RCAN2: variants seen among roughly 807,000 people sequenced by gnomAD.
RCAN2 encodes the protein calcipressin-2.
A neutral mutation model predicts 23.6 loss-of-function variants in RCAN2; 9 were observed. The observed-to-expected ratio is 0.38, with a 90% CI of 0.23 to 0.67. The LOEUF is 0.67. Among genes scored for constraint, RCAN2 ranks in the 30% least tolerant of loss-of-function variants. The pLI is 0.51. For missense variants in RCAN2, 273 were observed against 302.3 expected, an observed-to-expected ratio of 0.90 and a Z score of 0.72; for synonymous variants, 109 against 115.7, an observed-to-expected ratio of 0.94 and a Z score of 0.37.
At chr6:46,333,096 C>A (rs550432009) in intron 2 of RCAN2, among the ~76,000 whole-genome samples, 1 of 152,090 alleles carries the variant, frequency 6.6e-6, no homozygotes, top group East Asian at 1.9e-4. Flanking sequence ...TTTTGGCTGC[C>A]TAAATGTCTT....
chr6:46,421,627 T>C (rs138168381), intron 2 of RCAN2, among the ~76,000 whole-genome samples: 15 of 152,320 alleles, frequency 9.8e-5, no homozygotes, highest in Admixed American at 6.5e-4. Flanking sequence ...AAGTCTTTCC[T>C]TGATAGTCCT....
At chr6:46,254,885 G>A (rs1766853055) in intron 2 of RCAN2, among the ~76,000 whole-genome samples, 1 of 152,192 alleles carries the variant, frequency 6.6e-6, no homozygotes, top group African/African-American at 2.4e-5. Context: ...TGTGAAGACA[G>A]TGAAGTGGCA....
chr6:46,298,123 C>G (rs1762778149), intron 2 of RCAN2, among the ~76,000 whole-genome samples: 2 of 152,052 alleles, frequency 1.3e-5, no homozygotes, highest in South Asian at 4.1e-4. Context: ...GACAAAGTGC[C>G]TAACATTAAT....
At chr6:46,300,763 G>C (rs1041542629) in intron 2 of RCAN2, among the ~76,000 whole-genome samples, 2 of 151,976 alleles carry the variant, frequency 1.3e-5, no homozygotes, top group Non-Finnish European at 2.9e-5. Flanking sequence ...TCTTGTCAAT[G>C]ATTAGGCACA....
At chr6:46,317,712 G>A (rs539318453) in intron 2 of RCAN2, among the ~76,000 whole-genome samples, 83 of 152,146 alleles carry the variant, frequency 5.5e-4, no homozygotes, top group African/African-American at 1.2e-3. Flanking sequence ...TGATCTGCCC[G>A]CCTCGGCCTC....
chr6:46,399,611 G>T (rs1270770290), intron 2 of RCAN2, among the ~76,000 whole-genome samples: 1 of 151,886 alleles, frequency 6.6e-6, no homozygotes, highest in East Asian at 2.0e-4. Context: ...CCCTTTGGGT[G>T]CATCTGTTTT....
intron 2 of RCAN2, among the ~76,000 whole-genome samples, chr6:46,342,106 T>C (rs4714928): frequency 0.42 from 64,067 of 151,892 alleles, 14,958 homozygotes; most frequent in East Asian, 0.6. Flanking sequence ...CTTTTGAGTG[T>C]AGTGTTAGAG....
chr6:46,421,040 G>A (rs933380930), intron 2 of RCAN2, among the ~76,000 whole-genome samples: 1 of 152,316 alleles, frequency 6.6e-6, no homozygotes, highest in African/African-American at 2.4e-5. Flanking sequence ...TATTCAGTAA[G>A]TTCCAGTATT....
intron 1 of RCAN2, among the ~76,000 whole-genome samples, chr6:46,482,001 T>C (rs1186703763): frequency 1.8e-5 from 1 of 55,720 alleles, no homozygotes; most frequent in Non-Finnish European, 8.2e-5. Flanking sequence ...AGAAGAGGCA[T>C]AATTTTGATA....
rs1055575759 is a variant in RCAN2, at chr6:46,323,456, A to G, written c.226-74560T>C. ...TATTGGCAGTAAATACATGTAGCAC[A>G]TATTTCTGGTAACAGTCTTCCTCGA... On this transcript the variant is annotated intron_variant, in intron 2 of 4. Coordinates refer to ENST00000371374, the MANE Select transcript of RCAN2 (RefSeq NM_001251974.2). Among the ~76,000 whole-genome samples the G allele has an allele frequency of 3.9e-5, 6 of 152,220 alleles. No homozygotes were observed. In the South Asian group the frequency reaches 8.3e-4, roughly 21 times the overall value.
intron 1 of RCAN2, among the ~76,000 whole-genome samples, chr6:46,465,923 T>C (rs1768366635): frequency 6.6e-6 from 1 of 152,244 alleles, no homozygotes; most frequent in Non-Finnish European, 1.5e-5. Context: ...GAGTCATTTG[T>C]AAATAGATGG....
chr6:46,368,021 C>T (rs1765221681), intron 2 of RCAN2, among the ~76,000 whole-genome samples: 1 of 152,160 alleles, frequency 6.6e-6, no homozygotes, highest in African/African-American at 2.4e-5. Context: ...CAGTCTAGAG[C>T]CAAAGTTGGC....
intron 2 of RCAN2, chr6:46,325,987 T>G: frequency 1.1e-5 from 7 of 649,534 alleles, no homozygotes; most frequent in Non-Finnish European, 1.3e-5. Flanking sequence ...GTTTGACAAT[T>G]TTCTGCCTTC....
intron 1 of RCAN2, among the ~76,000 whole-genome samples, chr6:46,484,626 C>T (rs972346481): frequency 2.6e-5 from 4 of 152,210 alleles, no homozygotes; most frequent in African/African-American, 4.8e-5. Context: ...AGCATAAGTC[C>T]GCGTTAGCAG....
At chr6:46,456,664 CAAAA>C (rs1768041003) in intron 2 of RCAN2, 84 bp downstream of exon 2, 1 of 1,067,624 alleles carries the variant, frequency 9.4e-7, no homozygotes, top group East Asian at 2.6e-5. Flanking sequence ...CCAAAAACTT[CAAAA>C]CACCAACCAC....
In RCAN2 at chr6:46,456,800, C is replaced by T; in HGVS notation, c.177G>A (p.Leu59=). ...ITDFNDLPNS[L]FACNVHQSVF... ...CTGACTGGTGAACATTGCACGCAAA[C>T]AACGAGTTGGGGAGGTCATTGAAGT... The change falls in exon 2 of 5, where the codon TTG becomes TTA. Residue 59 remains leucine (L), a synonymous_variant. Transcript: ENST00000371374. 1 of 1,550,870 alleles carries T rather than the reference C, an allele frequency of 6.4e-7. No homozygotes were observed. The highest frequency in any genetic ancestry group is 8.7e-7 in the Non-Finnish European group (1 of 1,147,054).
intron 1 of RCAN2, among the ~76,000 whole-genome samples, chr6:46,490,544 T>G (rs965332384): frequency 6.6e-6 from 1 of 152,050 alleles, no homozygotes; most frequent in African/African-American, 2.4e-5. Flanking sequence ...TTCCCTCTGG[T>G]GACTTCTGGA....
At chr6:46,456,671 C>T (rs1467558283) in intron 2 of RCAN2, 81 bp downstream of exon 2, 6 of 1,113,558 alleles carry the variant, frequency 5.4e-6, no homozygotes, top group Non-Finnish European at 7.8e-6. Context: ...CTTCAAAACA[C>T]CAACCACAAA....
At chr6:46,474,731 A>G (rs1265341423) in intron 1 of RCAN2, among the ~76,000 whole-genome samples, 2 of 152,210 alleles carry the variant, frequency 1.3e-5, no homozygotes, top group African/African-American at 4.8e-5. Context: ...CTAAGAAATA[A>G]CTTTGATCTC....
Sources: gnomAD v4.1 joint callset for allele counts (sites outside exome capture counted in the v4.1 genomes callset) on GRCh38, gnomAD v4.1.1 for gene constraint, MANE v1.5 for transcripts, NCBI Gene and HGNC (gene_info 2026-07-23, HGNC 2026-07-21) for gene names.